Variants in KCTD8 observed in about 807,000 individuals in gnomAD.
KCTD8 encodes the protein BTB/POZ domain-containing protein KCTD8.
A neutral mutation model predicts 31.5 loss-of-function variants in KCTD8; 27 were observed. That is an observed-to-expected ratio of 0.86 (90% CI 0.63 to 1.18). The LOEUF (loss-of-function observed/expected upper bound fraction) is 1.18. KCTD8 is among the 50% of genes most tolerant of loss of function. The pLI, the probability that KCTD8 is intolerant of heterozygous loss-of-function variation, is 0.00. For synonymous variants in KCTD8, 290 were observed against 280.0 expected (o/e 1.04, Z -0.36); for missense variants, 658 against 647.7 (o/e 1.02, Z -0.17).
At chr4:44,181,883 G>A (rs938056536) in intron 1 of KCTD8, among the ~76,000 whole-genome samples, 1 of 151,072 alleles carries the variant, frequency 6.6e-6, no homozygotes, top group African/African-American at 2.5e-5. Context: ...GATGTGAGGA[G>A]CCCCTCCGCC....
intron 1 of KCTD8, among the ~76,000 whole-genome samples, chr4:44,424,056 T>C (rs1315594133): frequency 1.3e-5 from 2 of 152,086 alleles, no homozygotes; most frequent in Non-Finnish European, 2.9e-5. Context: ...ACTATCCATC[T>C]TTAGTCCAGC....
chr4:44,207,654 T>G (rs1714354830), intron 1 of KCTD8, among the ~76,000 whole-genome samples: 1 of 152,228 alleles, frequency 6.6e-6, no homozygotes, highest in African/African-American at 2.4e-5. Flanking sequence ...CATGTCAATA[T>G]GTAAAGTTAA....
At chr4:44,237,456 G>A (rs1715326283) in intron 1 of KCTD8, among the ~76,000 whole-genome samples, 1 of 152,164 alleles carries the variant, frequency 6.6e-6, no homozygotes, top group African/African-American at 2.4e-5. Context: ...GGAGTTGAGT[G>A]GCCTGTAGTT....
At chr4:44,274,344 T>A (rs972397736) in intron 1 of KCTD8, among the ~76,000 whole-genome samples, 1 of 151,926 alleles carries the variant, frequency 6.6e-6, no homozygotes, top group African/African-American at 2.4e-5. Flanking sequence ...TTTGATATTA[T>A]AATGGTGCAA....
chr4:44,236,891 T>G (rs1366374581), intron 1 of KCTD8, among the ~76,000 whole-genome samples: 1 of 152,128 alleles, frequency 6.6e-6, no homozygotes, highest in Non-Finnish European at 1.5e-5. Context: ...TCTCACGAGA[T>G]CTGATGATTT....
intron 1 of KCTD8, among the ~76,000 whole-genome samples, chr4:44,376,016 T>C (rs565835822): frequency 2.6e-5 from 4 of 152,202 alleles, no homozygotes; most frequent in African/African-American, 7.2e-5. Flanking sequence ...GATTATGTGG[T>C]TGGAGTGATT....
intron 1 of KCTD8, among the ~76,000 whole-genome samples, chr4:44,276,488 T>G (rs1007344415): frequency 2.0e-5 from 3 of 151,994 alleles, no homozygotes; most frequent in Non-Finnish European, 2.9e-5. Flanking sequence ...GAGGACATTA[T>G]TTTGGGCTTT....
In KCTD8 at chr4:44,309,581, T is replaced by C. The variant is rs563626444; in HGVS notation, c.962-134331A>G. ...ACAACATATTCAACAACTTGTACTG[T>C]TGAATTTTATAACTGTCACAAAATG... On this transcript the variant is annotated intron_variant, in intron 1 of 1. Coordinates refer to ENST00000360029, the MANE Select transcript of KCTD8 (RefSeq NM_198353.3). Among the ~76,000 whole-genome samples the C allele has an allele frequency of 1.1e-4, 16 of 152,284 alleles. No homozygotes were observed. In the South Asian group the frequency reaches 3.1e-3, roughly 30 times the overall value.
At chr4:44,290,860 G>C (rs1333036177) in intron 1 of KCTD8, among the ~76,000 whole-genome samples, 2 of 152,030 alleles carry the variant, frequency 1.3e-5, no homozygotes, top group Non-Finnish European at 2.9e-5. Flanking sequence ...CAAGAAGTTA[G>C]AAAGATCTCA....
chr4:44,292,585 A>G (rs1317173117), intron 1 of KCTD8, among the ~76,000 whole-genome samples: 3 of 152,172 alleles, frequency 2.0e-5, no homozygotes, highest in Non-Finnish European at 4.4e-5. Context: ...CTATGTACCC[A>G]TGTAACAAAC....
At chr4:44,377,298 C>T (rs1409646275) in intron 1 of KCTD8, among the ~76,000 whole-genome samples, 1 of 152,180 alleles carries the variant, frequency 6.6e-6, no homozygotes, top group Non-Finnish European at 1.5e-5. Flanking sequence ...TGTTTGGACA[C>T]TGCAGCCTGC....
intron 1 of KCTD8, among the ~76,000 whole-genome samples, chr4:44,229,353 C>G (rs560629130): frequency 1.3e-5 from 2 of 152,230 alleles, no homozygotes; most frequent in Admixed American, 6.5e-5. Context: ...AATGCAGATG[C>G]CAGGGAGAAG....
At chr4:44,182,110 C>T (rs574259940) in intron 1 of KCTD8, among the ~76,000 whole-genome samples, 11 of 151,678 alleles carry the variant, frequency 7.3e-5, no homozygotes, top group South Asian at 2.1e-4. Context: ...CCGCCCCGTC[C>T]GGGAGGAAGG....
At chr4:44,299,328 A>G (rs1327559186) in intron 1 of KCTD8, among the ~76,000 whole-genome samples, 1 of 152,192 alleles carries the variant, frequency 6.6e-6, no homozygotes, top group African/African-American at 2.4e-5. Context: ...CCACCCACCA[A>G]GCCTTCTTCC....
chr4:44,299,340 T>A (rs972260034), intron 1 of KCTD8, among the ~76,000 whole-genome samples: 4 of 152,188 alleles, frequency 2.6e-5, no homozygotes, highest in African/African-American at 9.6e-5. Flanking sequence ...CCTTCTTCCA[T>A]GTAGCAACAT....
intron 1 of KCTD8, among the ~76,000 whole-genome samples, chr4:44,435,386 C>T (rs902160054): frequency 6.6e-6 from 1 of 152,062 alleles, no homozygotes; most frequent in African/African-American, 2.4e-5. Flanking sequence ...ATCACAACTA[C>T]AATTGTCTAA....
chr4:44,423,298 C>A (rs531592616), intron 1 of KCTD8, among the ~76,000 whole-genome samples: 1 of 151,998 alleles, frequency 6.6e-6, no homozygotes, highest in South Asian at 2.1e-4. Flanking sequence ...TCAGTAAATA[C>A]CCATTACACA....
chr4:44,186,800 C>G (rs928161554), intron 1 of KCTD8, among the ~76,000 whole-genome samples: 23 of 152,224 alleles, frequency 1.5e-4, no homozygotes, highest in African/African-American at 5.3e-4. Flanking sequence ...TTTCCTGAAG[C>G]ATCACCACAT....
At chr4:44,289,388 A>T (rs909711779) in intron 1 of KCTD8, among the ~76,000 whole-genome samples, 11 of 152,172 alleles carry the variant, frequency 7.2e-5, no homozygotes, top group Non-Finnish European at 1.3e-4. Context: ...CTAGGGATAG[A>T]GCAAAATAAG....
Sources: gnomAD v4.1 joint callset for allele counts (sites outside exome capture counted in the v4.1 genomes callset) on GRCh38, gnomAD v4.1.1 for gene constraint, MANE v1.5 for transcripts, NCBI Gene and HGNC (gene_info 2026-07-23, HGNC 2026-07-21) for gene names.